The following RPTOR variants were observed in gnomAD, a reference collection of about 807,000 sequenced individuals.
RPTOR encodes regulatory-associated protein of mTOR.
Under a neutral mutation model 169.9 loss-of-function variants are expected in RPTOR, and 21 were observed. The observed-to-expected ratio is 0.12, with a 90% CI of 0.09 to 0.18. The LOEUF is 0.18. Among genes scored for constraint, RPTOR ranks in the 10% least tolerant of loss-of-function variants. RPTOR has a pLI of 1.00. For synonymous variants in RPTOR, 732 were observed against 753.2 expected, an observed-to-expected ratio of 0.97 and a Z score of 0.46; for missense variants, 1,133 against 1,855.9, an observed-to-expected ratio of 0.61 and a Z score of 7.16.
chr17:80,744,335 T>G (rs913467238), intron 5 of RPTOR, among the ~76,000 whole-genome samples: 1 of 114,294 alleles, frequency 8.7e-6, no homozygotes, highest in African/African-American at 4.6e-5. Flanking sequence ...CCCTGGCTAC[T>G]AGCACAGCCC....
intron 21 of RPTOR, among the ~76,000 whole-genome samples, chr17:80,920,033 A>C (rs140995622): frequency 1.3e-5 from 2 of 152,280 alleles, no homozygotes; most frequent in Non-Finnish European, 2.9e-5. Flanking sequence ...AGCCTCTGCC[A>C]TTGCCGTGCC....
intron 24 of RPTOR, among the ~76,000 whole-genome samples, chr17:80,939,519 A>G (rs1253376244): frequency 6.6e-6 from 1 of 152,222 alleles, no homozygotes; most frequent in Non-Finnish European, 1.5e-5. Flanking sequence ...TCATTAGGGA[A>G]GGCACTGAAG....
intron 4 of RPTOR, among the ~76,000 whole-genome samples, chr17:80,724,216 A>G (rs977937931): frequency 6.6e-6 from 1 of 151,114 alleles, no homozygotes; most frequent in African/African-American, 2.5e-5. Context: ...GAAGCTGGAC[A>G]TGAGAGCTGG....
At chr17:80,712,730 T>G (rs1472078800) in intron 4 of RPTOR, among the ~76,000 whole-genome samples, 1 of 152,218 alleles carries the variant, frequency 6.6e-6, no homozygotes, top group East Asian at 1.9e-4. Context: ...CTTAGCTTTA[T>G]AAGGAACTGT....
chr17:80,639,941 G>A (rs1412162848), intron 2 of RPTOR, among the ~76,000 whole-genome samples: 1 of 152,228 alleles, frequency 6.6e-6, no homozygotes, highest in Non-Finnish European at 1.5e-5. Context: ...CTTGGAGCAA[G>A]TCATTTGACT....
At chr17:80,604,859 G>A (rs867924367) in intron 1 of RPTOR, among the ~76,000 whole-genome samples, 7 of 151,764 alleles carry the variant, frequency 4.6e-5, no homozygotes, top group East Asian at 3.9e-4. Context: ...CCCCTCCCAC[G>A]ACACGTGGAA....
chr17:80,902,447 C>T (rs2068488310), intron 20 of RPTOR, among the ~76,000 whole-genome samples: 1 of 152,240 alleles, frequency 6.6e-6, no homozygotes, highest in Non-Finnish European at 1.5e-5. Context: ...CCTGGCCCAC[C>T]GCCAGGATCC....
At chr17:80,722,144 C>CT (rs1266551721) in intron 4 of RPTOR, among the ~76,000 whole-genome samples, 2 of 150,830 alleles carry the variant, frequency 1.3e-5, no homozygotes, top group Non-Finnish European at 2.9e-5. Context: ...CCCTCCAAGC[C>CT]TTTGTGTGGC....
chr17:80,588,132 A>G (rs996375054), intron 1 of RPTOR, among the ~76,000 whole-genome samples: 3 of 147,492 alleles, frequency 2.0e-5, no homozygotes, highest in African/African-American at 7.5e-5. Flanking sequence ...GTAGTATTCC[A>G]TGGTGCATGT....
At chr17:80,848,330 C>G (rs529836496) in intron 11 of RPTOR, among the ~76,000 whole-genome samples, 22 of 152,366 alleles carry the variant, frequency 1.4e-4, no homozygotes, top group South Asian at 1.2e-3. Context: ...ATTTCTGCTG[C>G]TGTCAGTATA....
Position 80,545,568 on chromosome 17 carries a change from T to C in RPTOR, c.-62T>C, listed in dbSNP as rs1015364252. 75 of 1,330,322 alleles carry C rather than the reference T, an allele frequency of 5.6e-5. No individual in the cohort carries two copies. Among genetic ancestry groups the C allele is most frequent in the South Asian group, 5.0e-4 (38 of 76,686 alleles). 82.4% of individuals were successfully genotyped at this position (1,330,322 alleles called of 1,614,324 possible). A position where few individuals can be genotyped will look rare whatever the true frequency, so the allele number is the denominator to read the frequency against. ...TTCACCAATTCTGGTACACGCTAGT[T>C]TTTAAGGCTGGAGGTTCTCGAGCGC... On this transcript the variant is annotated 5_prime_UTR_variant, in exon 1 of 34. Coordinates refer to ENST00000306801, the MANE Select transcript of RPTOR (RefSeq NM_020761.3).
intron 5 of RPTOR, among the ~76,000 whole-genome samples, chr17:80,744,519 ACAGCC>A (rs2066542713): frequency 3.8e-5 from 3 of 78,672 alleles, no homozygotes; most frequent in Non-Finnish European, 8.5e-5. Context: ...GGTTACGAGC[ACAGCC>A]CTGGCTACTA....
chr17:80,774,385 T>C (rs2066873455), intron 6 of RPTOR: 2 of 979,398 alleles, frequency 2.0e-6, no homozygotes, highest in Non-Finnish European at 2.4e-6. Context: ...TTCTCCCTTA[T>C]GGTGTCACAT....
intron 3 of RPTOR, among the ~76,000 whole-genome samples, chr17:80,668,904 A>G (rs1294177060): frequency 6.6e-6 from 1 of 152,254 alleles, no homozygotes; most frequent in Non-Finnish European, 1.5e-5. Flanking sequence ...TATTCTGTCC[A>G]GTATTCTGTA....
chr17:80,614,005 C>T (rs1283346415), intron 1 of RPTOR, among the ~76,000 whole-genome samples: 1 of 152,234 alleles, frequency 6.6e-6, no homozygotes. Context: ...GGTGGAAGGC[C>T]TCCCCGGCGA....
intron 7 of RPTOR, among the ~76,000 whole-genome samples, chr17:80,798,291 C>A (rs1332998300): frequency 6.6e-6 from 1 of 152,222 alleles, no homozygotes; most frequent in African/African-American, 2.4e-5. Context: ...TCTGGAGCCG[C>A]CTTGCCCATG....
At chr17:80,631,954 C>T (rs2065445609) in intron 2 of RPTOR, among the ~76,000 whole-genome samples, 1 of 152,150 alleles carries the variant, frequency 6.6e-6, no homozygotes, top group Non-Finnish European at 1.5e-5. Context: ...ACCCCAAATT[C>T]TTCTCATCTA....
Position 80,965,156 on chromosome 17 carries a change from C to T in RPTOR, c.*826C>T, listed in dbSNP as rs866073121. ...CCTTTCCCTCCGAAGGGCTGCTCTTCCCCACAGGCGCGGGGACAGCAGCCC... is the reference window on the plus strand; with the variant it reads ...CCTTTCCCTCCGAAGGGCTGCTCTTTCCCACAGGCGCGGGGACAGCAGCCC... On this transcript the variant is annotated 3_prime_UTR_variant, in exon 34 of 34. Transcript: ENST00000306801. The T allele has an allele frequency of 2.1e-5, 5 of 233,226 alleles. No individual in the cohort carries two copies. The highest frequency in any genetic ancestry group is 2.5e-5 in the Non-Finnish European group (3 of 118,082). 14.4% of individuals were successfully genotyped at this position (233,226 alleles called of 1,614,324 possible).
At chr17:80,741,185 T>C (rs1466681538) in intron 5 of RPTOR, among the ~76,000 whole-genome samples, 1 of 152,174 alleles carries the variant, frequency 6.6e-6, no homozygotes, top group Non-Finnish European at 1.5e-5. Flanking sequence ...TGGCATGCAC[T>C]CTAGAATAGC....
Sources: gnomAD v4.1 joint callset for allele counts (sites outside exome capture counted in the v4.1 genomes callset) on GRCh38, gnomAD v4.1.1 for gene constraint, MANE v1.5 for transcripts, NCBI Gene and HGNC (gene_info 2026-07-23, HGNC 2026-07-21) for gene names.